The following COL20A1 variants were observed in gnomAD, a reference collection of about 807,000 sequenced individuals.
The protein encoded by COL20A1 is collagen alpha-1(XX) chain.
In COL20A1, 164 loss-of-function variants were observed where a neutral mutation model predicts 152.9. The observed-to-expected ratio is 1.07, with a 90% CI of 0.94 to 1.22. COL20A1 has a LOEUF of 1.22. Among genes scored for constraint, COL20A1 ranks in the 50% most tolerant of loss-of-function variants. The probability of loss-of-function intolerance (pLI) is 0.00; values close to 1 mark genes in which losing one functional copy is unlikely to be tolerated. For missense variants in COL20A1, 1,873 were observed against 1,744.8 expected, an observed-to-expected ratio of 1.07 and a Z score of -1.31; for synonymous variants, 864 against 756.0, an observed-to-expected ratio of 1.14 and a Z score of -2.34.
chr20:63,297,078 C>CGCACACATGTACCAACGT (rs2067803469), intron 2 of COL20A1, among the ~76,000 whole-genome samples: 3 of 152,234 alleles, frequency 2.0e-5, no homozygotes, highest in Admixed American at 6.5e-5. Context: ...TTGGCATGGA[C>CGCACACATGTACCAACGT]GCACACATGT....
chr20:63,327,832 C>T (rs901527240), intron 31 of COL20A1, 120 bp from the exon 32 acceptor site: 8 of 1,032,558 alleles, frequency 7.7e-6, no homozygotes, highest in Non-Finnish European at 1.2e-5. Flanking sequence ...GGGGCTTTCA[C>T]ACCGCCACTG....
rs1299810154 is a variant in COL20A1, at chr20:63,331,667, A to C, written c.*951A>C. 2.0e-5 allele frequency: 3 copies of C among 152,222 alleles called. No homozygotes were observed. Among genetic ancestry groups the C allele is most frequent in the Non-Finnish European group, 4.4e-5 (3 of 68,036 alleles). 9.4% of individuals were successfully genotyped at this position (152,222 alleles called of 1,614,324 possible). ...TGTGGCCCGTGGGGGTGATGTGGGAACTTCTACTTCCTTTCCAAACAAATA... is the reference window on the plus strand; with the variant it reads ...TGTGGCCCGTGGGGGTGATGTGGGACCTTCTACTTCCTTTCCAAACAAATA... On this transcript the variant is annotated 3_prime_UTR_variant, in exon 36 of 36. Coordinates refer to ENST00000358894, the MANE Select transcript of COL20A1 (RefSeq NM_020882.4).
chr20:63,311,818 A>T lies in COL20A1; in HGVS notation c.1663+70A>T. On this transcript the variant is annotated intron_variant, in intron 13 of 35. Coordinates refer to ENST00000358894, the MANE Select transcript of COL20A1 (RefSeq NM_020882.4). This position sits in a 1 kb window ranked among gnomAD's most constrained non-coding sequence, Gnocchi z 4.4. ...ATCTTGTTCCTCAGCCTTCCATGGCATGGGAGACCTCAGGCCCCCTCGGTC... is the reference window on the plus strand; with the variant it reads ...ATCTTGTTCCTCAGCCTTCCATGGCTTGGGAGACCTCAGGCCCCCTCGGTC... 6.5e-7 allele frequency: 1 copy of T among 1,532,730 alleles called. No homozygotes were observed. Among genetic ancestry groups the T allele is most frequent in the Non-Finnish European group, 8.7e-7 (1 of 1,143,892 alleles). 94.9% of individuals were successfully genotyped at this position (1,532,730 alleles called of 1,614,324 possible). A position where few individuals can be genotyped will look rare whatever the true frequency, so the allele number is the denominator to read the frequency against.
At chr20:63,309,735 C>T in intron 9 of COL20A1, 23 bp from the exon 10 acceptor site, 1 of 1,535,874 alleles carries the variant, frequency 6.5e-7, no homozygotes, top group Non-Finnish European at 8.8e-7. Flanking sequence ...ACCACCTGCC[C>T]CCCACTCCCG....
In COL20A1 at chr20:63,311,726, C is replaced by T. The variant is rs2068009261; in HGVS notation, c.1641C>T (p.Ala547=). The T allele has an allele frequency of 2.5e-6, 4 of 1,596,524 alleles. No homozygotes were observed. The African/African-American group carries it at 4.0e-5, about 16-fold the overall frequency. ...TGCGAGGCCCTGAGGGCAGCGAGGCCCGGGGCATCCGTGCCAGGACCCGTG... is the reference window on the plus strand; with the variant it reads ...TGCGAGGCCCTGAGGGCAGCGAGGCTCGGGGCATCCGTGCCAGGACCCGTG... ...QSLRGPEGSE[A]RGIRARTPTL... is the part of the protein sequence containing the mutation. Residue 547 remains alanine (A), a synonymous_variant, in exon 13 of 36, where the codon GCC becomes GCT. Transcript: ENST00000358894. The surrounding 1 kb of genome is among the most constrained non-coding windows in gnomAD (Gnocchi z 4.4).
At position 63,311,775 on chromosome 20, in the gene COL20A1, C is replaced by T; in HGVS notation, c.1663+27C>T. 1.3e-6 allele frequency: 2 copies of T among 1,576,318 alleles called. No individual in the cohort carries two copies. The highest frequency in any genetic ancestry group is 1.7e-6 in the Non-Finnish European group (2 of 1,167,740). ...TGAGTGCTCCAACCCCGGCTGCCTG[C>T]CCACAGGCGGGTGCCCCATCTTGTT... On this transcript the variant is annotated intron_variant, in intron 13 of 35. Coordinates refer to ENST00000358894, the MANE Select transcript of COL20A1 (RefSeq NM_020882.4). This position sits in a 1 kb window ranked among gnomAD's most constrained non-coding sequence, Gnocchi z 4.4.
chr20:63,313,297 C>T lies in COL20A1; in HGVS notation c.2209+48C>T. 6.4e-7 allele frequency: 1 copy of T among 1,563,816 alleles called. No individual in the cohort carries two copies. Among genetic ancestry groups the T allele is most frequent in the Middle Eastern group, 1.7e-4 (1 of 5,868 alleles). On this transcript the variant is annotated intron_variant, in intron 17 of 35. Coordinates refer to ENST00000358894, the MANE Select transcript of COL20A1 (RefSeq NM_020882.4). This position sits in a 1 kb window ranked among gnomAD's most constrained non-coding sequence, Gnocchi z 5.9. ...TCTGCTGGGTGTGGGGCAGGGATGGCCCAGGGGATCCCTGACTCACCCGCT... is the reference window on the plus strand; with the variant it reads ...TCTGCTGGGTGTGGGGCAGGGATGGTCCAGGGGATCCCTGACTCACCCGCT...
rs2068304647 is a variant in COL20A1, at chr20:63,329,589, G to T, written c.3786G>T (p.Glu1262Asp). The T allele has an allele frequency of 1.9e-6, 3 of 1,609,308 alleles. No individual in the cohort carries two copies. The highest frequency in any genetic ancestry group is 4.5e-5 in the East Asian group (2 of 44,806). The change falls in exon 35 of 36, where the codon GAG becomes GAT. Residue 1262 changes from glutamate to aspartate, a missense_variant. Coordinates refer to ENST00000358894, the MANE Select transcript of COL20A1 (RefSeq NM_020882.4). ...ATGCCCTCCCTTTCCTCGCAGGGGA[G>T]CCTGGAGCTGTTGGTCAGATGGGCA... ...RGGRHLEGRG[E>D]PGAVGQMGSP...
chr20:63,320,148 C>T lies in COL20A1; in HGVS notation c.3026C>T (p.Thr1009Met), dbSNP rs200056990. 2.4e-5 allele frequency: 38 copies of T among 1,551,450 alleles called. No homozygotes were observed. The highest frequency in any genetic ancestry group is 1.8e-4 in the Middle Eastern group (1 of 5,714). ...AGCCCACCCGCTGCGGGCTTCGTCA[C>T]GCTGGGGAGGCTGGCCAAGGCCAGG... ...MGSPPAAGFV[T>M]LGRLAKARGP... Residue 1009 changes from threonine to methionine, a missense_variant, in exon 24 of 36, where the codon ACG becomes ATG. Coordinates refer to ENST00000358894, the MANE Select transcript of COL20A1 (RefSeq NM_020882.4).
chr20:63,314,248 C>T lies in COL20A1; in HGVS notation c.2488+47C>T, dbSNP rs573026229. The stretch of plus-strand genomic sequence containing the variant: ...AGACCCAGGTAGACCCAGCCCCAGC[C>T]GGGCCCTAGACCCCAGACCCTGCCA... On this transcript the variant is annotated intron_variant, in intron 19 of 35. Transcript: ENST00000358894. 72 of 1,516,692 alleles carry T rather than the reference C, an allele frequency of 4.7e-5. No homozygotes were observed. In the Middle Eastern group the frequency reaches 5.2e-4, roughly 11 times the overall value. 94.0% of individuals were successfully genotyped at this position (1,516,692 alleles called of 1,614,324 possible).
intron 34 of COL20A1, 114 bp from the exon 35 acceptor site, chr20:63,329,471 A>AC: frequency 1.3e-6 from 1 of 783,126 alleles, no homozygotes; most frequent in South Asian, 1.5e-5. Flanking sequence ...CCATCTAAGG[A>AC]CCAGACCTGC....
At chr20:63,316,775 T>G in intron 21 of COL20A1, 84 bp downstream of exon 21, 84 of 1,169,054 alleles carry the variant, frequency 7.2e-5, no homozygotes, top group Non-Finnish European at 8.1e-5. Context: ...GGGGCGGGCA[T>G]GGGCCGGAGA....
chr20:63,327,772 C>A, intron 31 of COL20A1, 180 bp from the exon 32 acceptor site: 1 of 633,198 alleles, frequency 1.6e-6, no homozygotes. Flanking sequence ...CATGCCTGCT[C>A]TCGGGTGCAG....
chr20:63,326,817 G>A lies in COL20A1; in HGVS notation c.3522G>A (p.Gly1174=). ...SGERGPPGTV[G]PTGLPGPKGE... is the part of the protein sequence containing the mutation. ...AGCGAGGACCTCCAGGGACCGTGGG[G>A]CCCACAGTAAGTGCATTTCCAACAC... The change falls in exon 31 of 36, where the codon GGG becomes GGA. Residue 1174 remains glycine, a synonymous_variant. Coordinates refer to ENST00000358894, the MANE Select transcript of COL20A1 (RefSeq NM_020882.4). 1 of 1,500,544 alleles carries A rather than the reference G, an allele frequency of 6.7e-7. No homozygotes were observed. Among genetic ancestry groups the A allele is most frequent in the Non-Finnish European group, 8.8e-7 (1 of 1,136,550 alleles). The allele number at this position is 1,500,544 out of a possible 1,614,324, so 93.0% of individuals were successfully genotyped here.
chr20:63,311,662 T>C lies in COL20A1; in HGVS notation c.1577T>C (p.Leu526Pro). 6.2e-7 allele frequency: 1 copy of C among 1,607,572 alleles called. No individual in the cohort carries two copies. ...VGRPEVLLDG[L>P]EPGRDYEVSV... ...CGGCCCGAGGTGCTGCTGGATGGCC[T>C]GGAACCTGGCAGGGACTATGAGGTC... The change falls in exon 13 of 36, where the codon CTG becomes CCG. Residue 526 changes from leucine to proline, a missense_variant. Coordinates refer to ENST00000358894, the MANE Select transcript of COL20A1 (RefSeq NM_020882.4). The surrounding 1 kb of genome is among the most constrained non-coding windows in gnomAD (Gnocchi z 4.4).
chr20:63,315,888 C>T (rs2068077635), intron 20 of COL20A1, among the ~76,000 whole-genome samples: 1 of 152,252 alleles, frequency 6.6e-6, no homozygotes, highest in African/African-American at 2.4e-5. Flanking sequence ...CTGCCGCCTC[C>T]TGCCCGGTGC....
intron 6 of COL20A1, 70 bp from the exon 7 acceptor site, chr20:63,307,901 G>A (rs562873045): frequency 1.9e-6 from 3 of 1,572,588 alleles, no homozygotes; most frequent in African/African-American, 1.3e-5. Flanking sequence ...CTCAGGTGTG[G>A]CCTTGTGCCA....
rs2068369368 is a variant in COL20A1, at chr20:63,334,432, T to C, written c.*3716T>C. 1.3e-5 allele frequency: 2 copies of C among 152,266 alleles called. No individual in the cohort carries two copies. The highest frequency in any genetic ancestry group is 4.1e-4 in the South Asian group (2 of 4,832). The allele number at this position is 152,266 out of a possible 1,614,324, so 9.4% of individuals were successfully genotyped here. Reference sequence around the variant, plus strand: ...TGCTTTGTTTTGTTTTCTTGTTTTTTGAGACAAGGTCTTGCTCTGTCACCC... The same window carrying C: ...TGCTTTGTTTTGTTTTCTTGTTTTTCGAGACAAGGTCTTGCTCTGTCACCC... On this transcript the variant is annotated 3_prime_UTR_variant, in exon 36 of 36. Coordinates refer to ENST00000358894, the MANE Select transcript of COL20A1 (RefSeq NM_020882.4).
chr20:63,322,777 C>T (rs2068184473), intron 27 of COL20A1, among the ~76,000 whole-genome samples: 1 of 152,264 alleles, frequency 6.6e-6, no homozygotes, highest in African/African-American at 2.4e-5. Flanking sequence ...CCGCCCTCCT[C>T]CCGACCCCGA....
Sources: allele counts gnomAD v4.1 joint callset (sites outside exome capture counted in the v4.1 genomes callset), GRCh38; gene constraint gnomAD v4.1.1; non-coding constraint Gnocchi (gnomAD v3.1); transcripts MANE v1.5; gene names NCBI Gene and HGNC (gene_info 2026-07-23, HGNC 2026-07-21).